LRRK1: variants seen among roughly 807,000 people sequenced by gnomAD.
The protein encoded by LRRK1 is leucine-rich repeat serine/threonine-protein kinase 1.
LRRK1 carries 113 observed loss-of-function variants against 209.1 expected under a neutral mutation model. The observed-to-expected ratio is 0.54, with a 90% confidence interval of 0.46 to 0.63. The LOEUF is 0.63. Among genes scored for constraint, LRRK1 ranks in the 30% least tolerant of loss-of-function variants. The pLI is 0.00. For synonymous variants in LRRK1, 1,144 were observed against 1,099.7 expected, an observed-to-expected ratio of 1.04 and a Z score of -0.80; for missense variants, 2,284 against 2,632.2, an observed-to-expected ratio of 0.87 and a Z score of 2.89.
intron 6 of LRRK1, among the ~76,000 whole-genome samples, chr15:101,002,661 T>C (rs2032753311): frequency 6.6e-6 from 1 of 152,226 alleles, no homozygotes; most frequent in South Asian, 2.1e-4. Context: ...CACAAATAAA[T>C]AATGAGGGCT....
At chr15:100,981,512 C>G (rs1432397611) in intron 3 of LRRK1, among the ~76,000 whole-genome samples, 3 of 152,176 alleles carry the variant, frequency 2.0e-5, no homozygotes, top group Non-Finnish European at 4.4e-5. Flanking sequence ...TCAGACATAC[C>G]TCCCACTGCC....
At position 101,042,695 on chromosome 15, in the gene LRRK1, G is replaced by A. The variant is rs537054991; in HGVS notation, c.2964-3286G>A. 2.6e-5 allele frequency among the ~76,000 whole-genome samples: 4 copies of A among 152,340 alleles called. No individual in the cohort carries two copies. In the East Asian group the frequency reaches 5.8e-4, roughly 22 times the overall value. The stretch of plus-strand genomic sequence containing the variant: ...GCCCATGGAAGGCAGGGGAGAGGGA[G>A]TGAGGCCCCCTATCCTTACAAGCAG... On this transcript the variant is annotated intron_variant, in intron 20 of 33. Transcript: ENST00000388948.
chr15:100,988,989 C>G (rs1211062671), intron 5 of LRRK1, among the ~76,000 whole-genome samples, 176 bp downstream of exon 5: 5 of 152,252 alleles, frequency 3.3e-5, no homozygotes, highest in Non-Finnish European at 5.9e-5. Context: ...CTCATTTCCT[C>G]CTTACTTGCC....
At chr15:100,965,856 A>G (rs1291877604) in intron 2 of LRRK1, among the ~76,000 whole-genome samples, 4 of 152,344 alleles carry the variant, frequency 2.6e-5, no homozygotes, top group Non-Finnish European at 1.5e-5. Flanking sequence ...GACATAAATT[A>G]TAATTTAGAG....
At chr15:100,937,771 G>A (rs545067740) in intron 2 of LRRK1, among the ~76,000 whole-genome samples, 6 of 151,912 alleles carry the variant, frequency 3.9e-5, no homozygotes, top group African/African-American at 7.3e-5. Context: ...TCCTGACCTC[G>A]TGATCCGCCC....
intron 2 of LRRK1, among the ~76,000 whole-genome samples, chr15:100,945,700 C>T (rs896145645): frequency 1.3e-5 from 2 of 151,984 alleles, no homozygotes; most frequent in East Asian, 3.9e-4. Flanking sequence ...ACCATGTTGG[C>T]CAGGCTGGTC....
intron 2 of LRRK1, among the ~76,000 whole-genome samples, chr15:100,965,042 G>T (rs190471480): frequency 6.6e-6 from 1 of 152,176 alleles, no homozygotes; most frequent in African/African-American, 2.4e-5. Flanking sequence ...AGACTGGGGC[G>T]GTGTCTTTCA....
chr15:100,941,445 T>TGTG, intron 2 of LRRK1, among the ~76,000 whole-genome samples: 1 of 132,798 alleles, frequency 7.5e-6, no homozygotes, highest in Non-Finnish European at 1.6e-5. Flanking sequence ...TGTGTGTGTG[T>TGTG]CTGTGTGTGT....
intron 2 of LRRK1, among the ~76,000 whole-genome samples, chr15:100,973,364 G>A (rs998148993): frequency 3.9e-5 from 6 of 152,246 alleles, no homozygotes; most frequent in Non-Finnish European, 5.9e-5. Context: ...TTTCTGGGCA[G>A]GGCGGGAAAG....
intron 2 of LRRK1, among the ~76,000 whole-genome samples, chr15:100,934,200 A>G (rs895979950): frequency 1.3e-5 from 2 of 152,240 alleles, no homozygotes; most frequent in African/African-American, 4.8e-5. Context: ...TTATAGGCAA[A>G]GAATGTCTAT....
At chr15:101,041,094 T>C (rs2034732581) in intron 20 of LRRK1, among the ~76,000 whole-genome samples, 1 of 152,380 alleles carries the variant, frequency 6.6e-6, no homozygotes, top group South Asian at 2.1e-4. Context: ...CATATACACA[T>C]TGGTGTCATG....
At chr15:101,068,302 C>CTCGGTCAT (rs2036646493) in intron 33 of LRRK1, among the ~76,000 whole-genome samples, 1 of 152,112 alleles carries the variant, frequency 6.6e-6, no homozygotes, top group Non-Finnish European at 1.5e-5. Context: ...TTGAGTTAAA[C>CTCGGTCAT]TCGGTCATGA....
intron 2 of LRRK1, among the ~76,000 whole-genome samples, chr15:100,932,950 G>C (rs1032049752): frequency 1.3e-5 from 2 of 152,198 alleles, no homozygotes; most frequent in Admixed American, 1.3e-4. Context: ...TGGAGACCCA[G>C]TGTTCTGTGG....
intron 2 of LRRK1, among the ~76,000 whole-genome samples, chr15:100,958,838 G>C (rs1220775976): frequency 6.6e-6 from 1 of 152,096 alleles, no homozygotes; most frequent in Non-Finnish European, 1.5e-5. Flanking sequence ...GGTCAGCATG[G>C]TGGTCACACT....
rs947519341 is a variant in LRRK1, at chr15:101,024,020, T to C, written c.2068-783T>C. 2.0e-4 allele frequency among the ~76,000 whole-genome samples: 30 copies of C among 152,336 alleles called. No homozygotes were observed. Among genetic ancestry groups the C allele is most frequent in the African/African-American group, 5.5e-4 (23 of 41,588 alleles). The stretch of plus-strand genomic sequence containing the variant: ...GGCCTGAGGGGTGAATTCGTGCTTC[T>C]ATTTTTCCTGACCTTCACCCCCACT... On this transcript the variant is annotated intron_variant, in intron 15 of 33. Transcript: ENST00000388948. The surrounding 1 kb of genome is among the most constrained non-coding windows in gnomAD (Gnocchi z 4.6).
rs2037038599 is a variant in LRRK1, at chr15:101,077,966, G to T, written c.*9118G>T. On this transcript the variant is annotated 3_prime_UTR_variant, in exon 34 of 34. Coordinates refer to ENST00000388948, the MANE Select transcript of LRRK1 (RefSeq NM_024652.6). ...GAATATGCCCTGCCCCACCTTAACT[G>T]ATGACATTCCACCACAAAAGAAGTG... 1 of 153,294 alleles carries T rather than the reference G, an allele frequency of 6.5e-6. No individual in the cohort carries two copies. Among genetic ancestry groups the T allele is most frequent in the African/African-American group, 2.4e-5 (1 of 41,458 alleles). The allele number at this position is 153,294 out of a possible 1,614,324, so 9.5% of individuals were successfully genotyped here.
chr15:101,006,320 GC>G (rs2032947241), intron 6 of LRRK1, among the ~76,000 whole-genome samples: 1 of 149,778 alleles, frequency 6.7e-6, no homozygotes, highest in African/African-American at 2.5e-5. Flanking sequence ...ACCAGCATCT[GC>G]CCCCGATGAA....
chr15:100,923,050 C>G (rs1032626733), intron 1 of LRRK1, among the ~76,000 whole-genome samples: 1 of 152,194 alleles, frequency 6.6e-6, no homozygotes, highest in Non-Finnish European at 1.5e-5. Context: ...CTGGCATCTG[C>G]CCTCCAGCAT....
At chr15:101,053,530 G>A (rs1212845176) in intron 26 of LRRK1, 110 bp downstream of exon 26, 7 of 952,508 alleles carry the variant, frequency 7.3e-6, no homozygotes, top group South Asian at 1.6e-5. Context: ...CCCAGGGCAC[G>A]CCCAACCCAT....
Sources: allele counts gnomAD v4.1 joint callset (sites outside exome capture counted in the v4.1 genomes callset), GRCh38; gene constraint gnomAD v4.1.1; non-coding constraint Gnocchi (gnomAD v3.1); transcripts MANE v1.5; gene names NCBI Gene and HGNC (gene_info 2026-07-23, HGNC 2026-07-21).